Variants in QTGAL observed in about 807,000 individuals in gnomAD.
QTGAL encodes the protein queuosine-tRNA galactosyltransferase.
the QTGAL span, among the ~76,000 whole-genome samples, chr17:83,010,105 G>A: frequency 4.7e-4 from 66 of 139,380 alleles, 1 homozygote; most frequent in East Asian, 0.013. Flanking sequence ...CCTGGTGTGG[G>A]GGGGGCTGCG....
chr17:82,986,693 A>G, the QTGAL span, among the ~76,000 whole-genome samples: 1 of 152,248 alleles, frequency 6.6e-6, no homozygotes, highest in Non-Finnish European at 1.5e-5. Flanking sequence ...TGATGCCGTC[A>G]TCATAAACAG....
At chr17:82,992,081 G>T in the QTGAL span, among the ~76,000 whole-genome samples, 1 of 151,890 alleles carries the variant, frequency 6.6e-6, no homozygotes, top group African/African-American at 2.4e-5. Flanking sequence ...ACCTCAAAAG[G>T]GCAAATCTAA....
At chr17:83,005,153 A>G in the QTGAL span, 3 of 1,610,220 alleles carry the variant, frequency 1.9e-6, no homozygotes, top group East Asian at 6.7e-5. The surrounding 1 kb of genome is among the most constrained non-coding windows in gnomAD (Gnocchi z 5.6). Flanking sequence ...TGGTTGATCC[A>G]ACGTGTGTAT....
At chr17:82,962,015 C>T in the QTGAL span, among the ~76,000 whole-genome samples, 2 of 151,866 alleles carry the variant, frequency 1.3e-5, no homozygotes, top group South Asian at 2.1e-4. Context: ...CTGGTCTCCT[C>T]GTGGTTCTCT....
chr17:82,974,667 A>G, the QTGAL span, among the ~76,000 whole-genome samples: 1 of 152,070 alleles, frequency 6.6e-6, no homozygotes, highest in Non-Finnish European at 1.5e-5. Context: ...TTCACCCCCC[A>G]CAGCGGGTGT....
chr17:83,044,384 C>G, the QTGAL span, among the ~76,000 whole-genome samples: 1 of 152,172 alleles, frequency 6.6e-6, no homozygotes, highest in Non-Finnish European at 1.5e-5. Flanking sequence ...GGGGAAAAAA[C>G]TATATGATCA....
At chr17:83,021,003 C>G in the QTGAL span, among the ~76,000 whole-genome samples, 1 of 152,194 alleles carries the variant, frequency 6.6e-6, no homozygotes, top group Non-Finnish European at 1.5e-5. Context: ...GTGTTCCACA[C>G]GAGTATTTGC....
chr17:83,028,457 G>A, the QTGAL span, among the ~76,000 whole-genome samples: 11 of 149,324 alleles, frequency 7.4e-5, no homozygotes, highest in African/African-American at 1.2e-4. Context: ...CCCAGGGGGC[G>A]GAGCCTGCAG....
chr17:83,048,854 C>T, the QTGAL span: 5,175 of 1,331,760 alleles, frequency 3.9e-3, 22 homozygotes, highest in Non-Finnish European at 5.2e-3. Context: ...CTCTAATTTA[C>T]CTCCCCTTCA....
chr17:83,013,249 C>T, the QTGAL span, among the ~76,000 whole-genome samples: 14 of 150,768 alleles, frequency 9.3e-5, no homozygotes, highest in Admixed American at 5.3e-4. Context: ...AGGAGGCAAC[C>T]GTGTGGGGCC....
chr17:82,964,030 G>GGCAGGC, the QTGAL span, among the ~76,000 whole-genome samples: 3 of 134,694 alleles, frequency 2.2e-5, no homozygotes, highest in South Asian at 4.7e-4. Context: ...GCTGAGGTCG[G>GGCAGGC]GGGGGTGGAT....
the QTGAL span, among the ~76,000 whole-genome samples, chr17:82,967,318 T>C: frequency 6.6e-6 from 1 of 152,170 alleles, no homozygotes; most frequent in Non-Finnish European, 1.5e-5. Context: ...GGAGGTGCTG[T>C]GTGTGTGAAC....
chr17:83,015,647 G>A, the QTGAL span, among the ~76,000 whole-genome samples: 4 of 152,320 alleles, frequency 2.6e-5, no homozygotes, highest in Admixed American at 6.5e-5. The surrounding 1 kb of genome is among the most constrained non-coding windows in gnomAD (Gnocchi z 4.4). Context: ...CTGGTGCCGC[G>A]CCATGGACCA....
the QTGAL span, chr17:83,051,694 G>A: frequency 6.9e-7 from 1 of 1,443,372 alleles, no homozygotes; most frequent in Non-Finnish European, 9.1e-7. Context: ...GGGACGCGAG[G>A]ACCCAGCCTG....
chr17:83,046,535 T>C, the QTGAL span, among the ~76,000 whole-genome samples: 6 of 152,228 alleles, frequency 3.9e-5, no homozygotes, highest in Non-Finnish European at 7.3e-5. Context: ...AGACACCACT[T>C]CACACCCACT....
the QTGAL span, among the ~76,000 whole-genome samples, chr17:82,989,184 T>C: frequency 6.6e-6 from 1 of 152,178 alleles, no homozygotes; most frequent in South Asian, 2.1e-4. Context: ...AATGAGATCA[T>C]GTACTTTGCA....
the QTGAL span, among the ~76,000 whole-genome samples, chr17:83,034,871 C>T: frequency 6.6e-6 from 1 of 152,240 alleles, no homozygotes; most frequent in Non-Finnish European, 1.5e-5. Flanking sequence ...ATTACCCAGT[C>T]TCGGCTATGT....
the QTGAL span, among the ~76,000 whole-genome samples, chr17:83,013,846 T>C: frequency 7.9e-5 from 12 of 152,160 alleles, no homozygotes; most frequent in Non-Finnish European, 1.5e-4. Flanking sequence ...TTCTAAAACT[T>C]GAGCGAGATC....
At chr17:83,016,057 C>T in the QTGAL span, among the ~76,000 whole-genome samples, 28 of 152,102 alleles carry the variant, frequency 1.8e-4, no homozygotes, top group Non-Finnish European at 3.7e-4. Flanking sequence ...AAGGTGCCGG[C>T]CATAAGCATT....
Sources: allele counts gnomAD v4.1 joint callset (sites outside exome capture counted in the v4.1 genomes callset), GRCh38; gene constraint gnomAD v4.1.1; non-coding constraint Gnocchi (gnomAD v3.1); transcripts MANE v1.5; gene names NCBI Gene and HGNC (gene_info 2026-07-23, HGNC 2026-07-21).